The following MACROD2 variants were observed in gnomAD, a reference collection of about 807,000 sequenced individuals.
MACROD2 encodes mono-ADP ribosylhydrolase 2, also known as ADP-ribose glycohydrolase MACROD2.
A neutral mutation model predicts 70.4 loss-of-function variants in MACROD2; 36 were observed. The ratio of observed to expected loss-of-function variants is 0.51; its 90% CI spans 0.39 to 0.68. The LOEUF is 0.68. Ranked by LOEUF, MACROD2 falls within the 30% of genes least tolerant of loss-of-function variation. The probability of loss-of-function intolerance (pLI) is 0.00; values close to 1 mark genes in which losing one functional copy is unlikely to be tolerated. For synonymous variants in MACROD2, 172 were observed against 178.8 expected (o/e 0.96, Z 0.30); for missense variants, 496 against 538.4 (o/e 0.92, Z 0.78).
At chr20:14,767,891 T>A (rs1040036590) in intron 5 of MACROD2, among the ~76,000 whole-genome samples, 4 of 152,004 alleles carry the variant, frequency 2.6e-5, no homozygotes, top group Non-Finnish European at 5.9e-5. Flanking sequence ...CATGCAGTGT[T>A]TGGTTTTCTG....
At chr20:14,572,611 T>C (rs1033945696) in intron 4 of MACROD2, among the ~76,000 whole-genome samples, 1 of 152,066 alleles carries the variant, frequency 6.6e-6, no homozygotes, top group African/African-American at 2.4e-5. Flanking sequence ...GAAAATGAAG[T>C]TAGATGTTAA....
At chr20:14,765,919 G>T (rs935447910) in intron 5 of MACROD2, among the ~76,000 whole-genome samples, 2 of 152,036 alleles carry the variant, frequency 1.3e-5, no homozygotes, top group Non-Finnish European at 2.9e-5. Flanking sequence ...TAAAGGACTT[G>T]CTCACAGAAG....
At chr20:14,077,894 C>CTTTTTTTTTTTTTTTTTTTTTTT (rs58677755) in intron 2 of MACROD2, among the ~76,000 whole-genome samples, 8 of 120,502 alleles carry the variant, frequency 6.6e-5, no homozygotes, top group Non-Finnish European at 8.8e-5. Flanking sequence ...AAAGGTTTTT[C>CTTTTTTTTTTTTTTTTTTTTTTT]TTTTTTTTTT....
At chr20:16,026,149 A>G (rs1474642869) in intron 15 of MACROD2, among the ~76,000 whole-genome samples, 1 of 140,036 alleles carries the variant, frequency 7.1e-6, no homozygotes, top group Non-Finnish European at 1.6e-5. Flanking sequence ...GCAAAACTCC[A>G]TCTCAAAAAA....
chr20:15,898,548 C>T (rs1436134733), intron 10 of MACROD2, among the ~76,000 whole-genome samples: 3 of 11,918 alleles, frequency 2.5e-4, no homozygotes. Flanking sequence ...AAGACTCAGT[C>T]TAAAAAAAAA....
intron 5 of MACROD2, among the ~76,000 whole-genome samples, chr20:15,137,073 G>A (rs2076154022): frequency 6.7e-6 from 1 of 148,620 alleles, no homozygotes; most frequent in Non-Finnish European, 1.5e-5. Context: ...GTGCTGGAGA[G>A]GATGTGGAGA....
rs556731529 is a variant in MACROD2 at position 14,848,957 on chromosome 20, G to A, written c.418+163998G>A. ...CGGCAGACATCACTTATCGGTCGTG[G>A]CATTTTTCTCACAGGAACAGCATTC... On this transcript the variant is annotated intron_variant, in intron 5 of 17. Coordinates refer to ENST00000684519, the MANE Select transcript of MACROD2 (RefSeq NM_001351661.2). Among the ~76,000 whole-genome samples, 15 of 152,200 alleles carry A rather than the reference G, an allele frequency of 9.9e-5. No homozygotes were observed. The East Asian group carries it at 2.5e-3, about 26-fold the overall frequency.
chr20:15,383,878 A>C (rs1430961602), intron 6 of MACROD2, among the ~76,000 whole-genome samples: 1 of 152,110 alleles, frequency 6.6e-6, no homozygotes, highest in Non-Finnish European at 1.5e-5. Flanking sequence ...TTTTTAATTA[A>C]TACTTCTCTA....
intron 8 of MACROD2, among the ~76,000 whole-genome samples, chr20:15,502,758 G>A (rs1406401059): frequency 6.6e-6 from 1 of 152,120 alleles, no homozygotes; most frequent in Non-Finnish European, 1.5e-5. Flanking sequence ...TTAGGATAGG[G>A]TTATGCTGCA....
chr20:15,683,218 G>C (rs1005199713), intron 8 of MACROD2, among the ~76,000 whole-genome samples: 2 of 152,176 alleles, frequency 1.3e-5, no homozygotes. Context: ...GTTGCAGCCT[G>C]TATGGTAGTT....
intron 2 of MACROD2, among the ~76,000 whole-genome samples, chr20:14,016,240 A>G (rs942112989): frequency 6.6e-6 from 1 of 152,200 alleles, no homozygotes; most frequent in African/African-American, 2.4e-5. Context: ...AGAAGTATCT[A>G]TTCAAATCCT....
chr20:15,227,832 T>TGTTG (rs1555794526), intron 5 of MACROD2, among the ~76,000 whole-genome samples: 16,669 of 124,682 alleles, frequency 0.13, 1,801 homozygotes, highest in African/African-American at 0.21. Context: ...TGTTTTTTTT[T>TGTTG]TTTTTTTTTT....
chr20:15,639,337 C>T (rs1192655991), intron 8 of MACROD2, among the ~76,000 whole-genome samples: 3 of 152,172 alleles, frequency 2.0e-5, no homozygotes, highest in Non-Finnish European at 2.9e-5. Flanking sequence ...CGACCTGCAT[C>T]GCTTAGTCCT....
At chr20:14,702,588 T>TACAC (rs781695034) in intron 5 of MACROD2, among the ~76,000 whole-genome samples, 57 of 5,200 alleles carry the variant, frequency 0.011, 5 homozygotes, top group African/African-American at 0.02. Context: ...TATATATATG[T>TACAC]ATATATATGT....
chr20:15,782,810 A>C (rs931189474), intron 8 of MACROD2, among the ~76,000 whole-genome samples: 21 of 150,898 alleles, frequency 1.4e-4, no homozygotes, highest in Non-Finnish European at 2.8e-4. Flanking sequence ...TAATTCCTTA[A>C]ACAGCATTCT....
chr20:14,338,500 T>A (rs1456953572), intron 3 of MACROD2, among the ~76,000 whole-genome samples: 1 of 152,224 alleles, frequency 6.6e-6, no homozygotes, highest in Non-Finnish European at 1.5e-5. Flanking sequence ...CTGTTCTCTA[T>A]GTTTTAGAAA....
intron 8 of MACROD2, among the ~76,000 whole-genome samples, chr20:15,828,850 A>T (rs1302062872): frequency 1.3e-5 from 2 of 152,252 alleles, no homozygotes; most frequent in African/African-American, 4.8e-5. Flanking sequence ...GTGGGGATGC[A>T]TGACTGCATT....
chr20:14,253,949 A>C (rs2082032195), intron 3 of MACROD2, among the ~76,000 whole-genome samples: 1 of 152,126 alleles, frequency 6.6e-6, no homozygotes, highest in Non-Finnish European at 1.5e-5. Flanking sequence ...GTAAAACATC[A>C]TTTAGAAAAT....
intron 5 of MACROD2, among the ~76,000 whole-genome samples, chr20:14,977,342 GCTT>G (rs1405104617): frequency 7.1e-6 from 1 of 141,602 alleles, no homozygotes; most frequent in East Asian, 2.0e-4. Flanking sequence ...ACCCAACTTA[GCTT>G]CTTCTTTTTA....
Sources: allele counts gnomAD v4.1 joint callset (sites outside exome capture counted in the v4.1 genomes callset), GRCh38; gene constraint gnomAD v4.1.1; transcripts MANE v1.5; gene names NCBI Gene and HGNC (gene_info 2026-07-23, HGNC 2026-07-21).